Variants in FSIP2 observed in about 807,000 individuals in gnomAD.
The protein encoded by FSIP2 is fibrous sheath interacting protein 2.
A neutral mutation model predicts 510.5 loss-of-function variants in FSIP2; 367 were observed. That is an observed-to-expected ratio of 0.72 (90% CI 0.66 to 0.78). The LOEUF (loss-of-function observed/expected upper bound fraction) is 0.78. FSIP2 is among the 30% of genes least tolerant of loss of function. The pLI, the probability that FSIP2 is intolerant of heterozygous loss-of-function variation, is 0.00. For synonymous variants in FSIP2, 2,601 were observed against 2,732.2 expected, an observed-to-expected ratio of 0.95 and a Z score of 1.50; for missense variants, 7,594 against 7,901.7, an observed-to-expected ratio of 0.96 and a Z score of 1.48.
At chr2:185,831,329 C>T (rs1414756695) in intron 21 of FSIP2, among the ~76,000 whole-genome samples, 2 of 151,786 alleles carry the variant, frequency 1.3e-5, no homozygotes, top group African/African-American at 2.4e-5. Flanking sequence ...AAGCTAGTAC[C>T]GGAGACACAA....
chr2:185,813,482 A>C, intron 17 of FSIP2, 63 bp from the exon 18 acceptor site: 1 of 1,017,866 alleles, frequency 9.8e-7, no homozygotes, highest in Non-Finnish European at 1.4e-6. Context: ...CTACATCATA[A>C]TTGAACTATA....
chr2:185,755,745 AC>A (rs1400905417), intron 8 of FSIP2, among the ~76,000 whole-genome samples: 1 of 151,530 alleles, frequency 6.6e-6, no homozygotes, highest in African/African-American at 2.4e-5. Context: ...ACCTTTTGCC[AC>A]CTTAATAGTT....
chr2:185,801,066 T>G lies in FSIP2; in HGVS notation c.11760T>G (p.Ser3920Arg). The G allele has an allele frequency of 6.5e-7, 1 of 1,532,240 alleles. No individual in the cohort carries two copies. 94.9% of individuals were successfully genotyped at this position (1,532,240 alleles called of 1,614,324 possible). Residue 3920 changes from serine to arginine, a missense_variant, in exon 17 of 23, where the codon AGT becomes AGG. Coordinates refer to ENST00000424728, the MANE Select transcript of FSIP2 (RefSeq NM_173651.4). Reference sequence around the variant, plus strand: ...TGACAGTATCCCTGAATAATCCCAGTGTGGTTAGCTCCAAAATACAAGCAC... The same window carrying G: ...TGACAGTATCCCTGAATAATCCCAGGGTGGTTAGCTCCAAAATACAAGCAC... ...NSLTVSLNNP[S>R]VVSSKIQAPF...
At position 185,833,140 on chromosome 2, in the gene FSIP2, A is replaced by G. The variant is rs1694137306; in HGVS notation, c.20638A>G (p.Met6880Val). The part of the protein sequence containing the change: ...SKQGSKMLTK[M>V]SSTLSKVFSQ... ...ACAAGGATCTAAAATGCTGACAAAA[A>G]TGTCTTCAACTTTGTCAAAGGTGTT... Residue 6880 changes from methionine (M) to valine (V), a missense_variant, in exon 23 of 23, where the codon ATG becomes GTG. Coordinates refer to ENST00000424728, the MANE Select transcript of FSIP2 (RefSeq NM_173651.4). 6.2e-7 allele frequency: 1 copy of G among 1,609,068 alleles called. No homozygotes were observed. Among genetic ancestry groups the G allele is most frequent in the Non-Finnish European group, 8.5e-7 (1 of 1,176,548 alleles).
intron 12 of FSIP2, 66 bp from the exon 13 acceptor site, chr2:185,764,436 G>C: frequency 2.4e-6 from 2 of 821,134 alleles, no homozygotes; most frequent in East Asian, 2.7e-5. Context: ...AGAAATAATA[G>C]TTGATGTTTG....
chr2:185,809,773 T>C (rs1395427586), intron 17 of FSIP2, among the ~76,000 whole-genome samples: 1 of 151,998 alleles, frequency 6.6e-6, no homozygotes, highest in African/African-American at 2.4e-5. Context: ...GCTGCAGTAT[T>C]GCTGCTATTT....
chr2:185,794,367 T>C lies in FSIP2; in HGVS notation c.7231T>C (p.Phe2411Leu), dbSNP rs1693216854. 1.3e-6 allele frequency: 2 copies of C among 1,517,552 alleles called. No homozygotes were observed. The highest frequency in any genetic ancestry group is 1.4e-5 in the African/African-American group (1 of 71,844). The allele number at this position is 1,517,552 out of a possible 1,614,324, so 94.0% of individuals were successfully genotyped here. A position where few individuals can be genotyped will look rare whatever the true frequency, so the allele number is the denominator to read the frequency against. The change falls in exon 16 of 23, where the codon TTT (phenylalanine) becomes CTT (leucine). Residue 2411 changes from phenylalanine (F) to leucine (L), a missense_variant. By Grantham distance (22) the Phe-to-Leu change is conservative. Transcript: ENST00000424728. ...TAAAAGATCTGTAAAGGAAATTTGTTTTAATTCAAAAGAAAATTCTAACTT... is the reference window on the plus strand; with the variant it reads ...TAAAAGATCTGTAAAGGAAATTTGTCTTAATTCAAAAGAAAATTCTAACTT... ...DDKRSVKEIC[F>L]NSKENSNFSQ... is the part of the protein sequence containing the mutation.
At chr2:185,814,099 G>C (rs1693790247) in intron 18 of FSIP2, 57 bp downstream of exon 18, 4 of 1,512,334 alleles carry the variant, frequency 2.6e-6, no homozygotes, top group Non-Finnish European at 3.6e-6. Flanking sequence ...TCACAAATCT[G>C]GCCCAAGAAT....
intron 7 of FSIP2, 149 bp downstream of exon 7, chr2:185,747,572 T>C (rs1692059318): frequency 2.0e-6 from 1 of 507,272 alleles, no homozygotes; most frequent in African/African-American, 1.9e-5. Flanking sequence ...TGGACATTTT[T>C]AGTATTTTTG....
rs1157795991 is a variant in FSIP2, at chr2:185,739,368, C to T, written c.122C>T (p.Ala41Val). 1 of 1,532,206 alleles carries T rather than the reference C, an allele frequency of 6.5e-7. No homozygotes were observed. 94.9% of individuals were successfully genotyped at this position (1,532,206 alleles called of 1,614,324 possible). A position where few individuals can be genotyped will look rare whatever the true frequency, so the allele number is the denominator to read the frequency against. Residue 41 changes from alanine (A) to valine (V), a missense_variant, in exon 2 of 23, where the codon GCA becomes GTA. Physicochemically the swap from Ala to Val is moderately conservative, Grantham distance 64. Coordinates refer to ENST00000424728, the MANE Select transcript of FSIP2 (RefSeq NM_173651.4). The part of the protein sequence containing the change: ...CRDGVHKTHF[A>V]GVGPAQLLDL... ...CAGGGCGTGCACAAAACCCACTTTGCAGGGGTTGGACCGGCTCAGCTACTG... is the reference window on the plus strand; with the variant it reads ...CAGGGCGTGCACAAAACCCACTTTGTAGGGGTTGGACCGGCTCAGCTACTG...
rs749874367 is a variant in FSIP2, at chr2:185,796,853, C to T, written c.9717C>T (p.Asn3239=). Residue 3239 remains asparagine, a synonymous_variant, in exon 16 of 23, where the codon AAC becomes AAT. Transcript: ENST00000424728. The part of the protein sequence containing the change: ...SETMPSCSTR[N]KVQDHRPRES... ...CTATGCCATCGTGTTCTACTAGAAA[C>T]AAAGTACAAGACCACAGACCAAGGG... 2.6e-6 allele frequency: 4 copies of T among 1,535,128 alleles called. No homozygotes were observed. Among genetic ancestry groups the T allele is most frequent in the Non-Finnish European group, 3.5e-6 (4 of 1,146,298 alleles).
rs1413854312 is a variant in FSIP2, at chr2:185,789,038, A to C, written c.1902A>C (p.Leu634=). The C allele has an allele frequency of 2.0e-6, 3 of 1,534,178 alleles. No individual in the cohort carries two copies. In the Admixed American group the frequency reaches 5.9e-5, roughly 30 times the overall value. Residue 634 remains leucine (L), a synonymous_variant, in exon 16 of 23, where the codon CTA becomes CTC. Transcript: ENST00000424728. ...ATAAATATAATAAAACCAACTTGCTATATTCATACCCTAAGCTCAGAAGTT... is the reference window on the plus strand; with the variant it reads ...ATAAATATAATAAAACCAACTTGCTCTATTCATACCCTAAGCTCAGAAGTT... ...SKHKYNKTNL[L]YSYPKLRSCK...
chr2:185,782,719 G>A lies in FSIP2; in HGVS notation c.1426G>A (p.Ala476Thr), dbSNP rs1559022456. The A allele has an allele frequency of 2.0e-6, 3 of 1,517,442 alleles. No homozygotes were observed. Among genetic ancestry groups the A allele is most frequent in the Non-Finnish European group, 2.7e-6 (3 of 1,129,904 alleles). 94.0% of individuals were successfully genotyped at this position (1,517,442 alleles called of 1,614,324 possible). A position where few individuals can be genotyped will look rare whatever the true frequency, so the allele number is the denominator to read the frequency against. ...YLCESGPQAH[A>T]TDPGIFSSPV... ...CTGATAAATAGGACCTCAGGCTCAT[G>A]CTACAGACCCGGGTATATTTTCTTC... The change falls in exon 14 of 23, where the codon GCT becomes ACT. Residue 476 changes from alanine (A) to threonine (T), a missense_variant. Transcript: ENST00000424728.
intron 19 of FSIP2, among the ~76,000 whole-genome samples, chr2:185,816,735 A>T (rs1693832487): frequency 6.6e-6 from 1 of 151,888 alleles, no homozygotes; most frequent in Non-Finnish European, 1.5e-5. Flanking sequence ...ATGTGCACCT[A>T]GTCCTAGCTA....
Position 185,750,605 on chromosome 2 carries a change from T to TG in FSIP2, c.871-3117_871-3116insG, listed in dbSNP as rs1417347421. Among the ~76,000 whole-genome samples, 78 of 148,840 alleles carry TG rather than the reference T, an allele frequency of 5.2e-4. 1 individual carries two copies. The highest frequency in any genetic ancestry group is 8.1e-4 in the Non-Finnish European group (54 of 67,068). On this transcript the variant is annotated intron_variant, in intron 7 of 22. Coordinates refer to ENST00000424728, the MANE Select transcript of FSIP2 (RefSeq NM_173651.4). ...TTTTAGTTTTAATGCATTTCTCTGT[T>TG]TTTTTTTTTTCTATTTTGTTGATTT...
chr2:185,747,179 G>T (rs962336764), intron 6 of FSIP2, 134 bp from the exon 7 acceptor site: 5 of 569,522 alleles, frequency 8.8e-6, no homozygotes, highest in Non-Finnish European at 1.6e-5. Flanking sequence ...TAAACCGAAC[G>T]TATGCCTTTC....
At position 185,805,770 on chromosome 2, in the gene FSIP2, A is replaced by G; in HGVS notation, c.16464A>G (p.Gln5488=). 1 of 1,601,476 alleles carries G rather than the reference A, an allele frequency of 6.2e-7. No homozygotes were observed. The highest frequency in any genetic ancestry group is 1.7e-4 in the Middle Eastern group (1 of 5,972). ...KDTSVKKGDI[Q]NPVLSSINAI... ...CATCAGTGAAAAAAGGTGACATCCA[A>G]AATCCAGTACTTAGCTCTATAAATG... The change falls in exon 17 of 23, where the codon CAA becomes CAG. Residue 5488 remains glutamine (Q), a synonymous_variant. Coordinates refer to ENST00000424728, the MANE Select transcript of FSIP2 (RefSeq NM_173651.4).
chr2:185,774,660 C>G (rs2105581642), intron 13 of FSIP2, among the ~76,000 whole-genome samples: 1 of 145,976 alleles, frequency 6.9e-6, no homozygotes, highest in African/African-American at 2.6e-5. Flanking sequence ...ATACATGTGC[C>G]ATGCTGGTGT....
At position 185,791,219 on chromosome 2, in the gene FSIP2, T is replaced by C. The variant is rs1314226491; in HGVS notation, c.4083T>C (p.Ile1361=). The part of the protein sequence containing the change: ...DILASPLLTC[I]YDMLLSSENA... The stretch of plus-strand genomic sequence containing the variant: ...TGGCGAGTCCATTATTAACCTGTAT[T>C]TATGATATGTTGTTATCAAGTGAAA... Residue 1361 remains isoleucine, a synonymous_variant, in exon 16 of 23, where the codon ATT becomes ATC. Coordinates refer to ENST00000424728, the MANE Select transcript of FSIP2 (RefSeq NM_173651.4). 1 of 1,533,890 alleles carries C rather than the reference T, an allele frequency of 6.5e-7. No individual in the cohort carries two copies. Among genetic ancestry groups the C allele is most frequent in the South Asian group, 1.2e-5 (1 of 83,996 alleles).
Sources: gnomAD v4.1 joint callset for allele counts (sites outside exome capture counted in the v4.1 genomes callset) on GRCh38, gnomAD v4.1.1 for gene constraint, MANE v1.5 for transcripts, NCBI Gene and HGNC (gene_info 2026-07-23, HGNC 2026-07-21) for gene names.